Variants in OPRM1 observed in about 807,000 individuals in gnomAD.
OPRM1 encodes mu-type opioid receptor.
In OPRM1, 27 loss-of-function variants were observed where a neutral mutation model predicts 31.8. The observed-to-expected ratio is 0.85, with a 90% CI of 0.63 to 1.17. The LOEUF (loss-of-function observed/expected upper bound fraction) is 1.17. Among genes scored for constraint, OPRM1 ranks in the 50% most tolerant of loss-of-function variants. OPRM1 has a pLI of 0.00. For synonymous variants in OPRM1, 196 were observed against 189.9 expected, an observed-to-expected ratio of 1.03 and a Z score of -0.26; for missense variants, 536 against 511.1, an observed-to-expected ratio of 1.05 and a Z score of -0.47.
At chr6:154,110,438 A>G (rs1218173079) in intron 3 of OPRM1, 1 of 1,443,116 alleles carries the variant, frequency 6.9e-7, no homozygotes, top group Non-Finnish European at 9.5e-7. Flanking sequence ...CCGTGAAAGA[A>G]TATAAGATTG....
intron 3 of OPRM1, chr6:154,110,412 T>A: frequency 1.3e-6 from 2 of 1,503,022 alleles, no homozygotes; most frequent in Non-Finnish European, 1.8e-6. Flanking sequence ...CAAGGGCTAA[T>A]AATTACAATA....
At position 154,039,266 on chromosome 6, in the gene OPRM1, C is replaced by CTTCCA; in HGVS notation, c.-279_-278insTTCCA. 19 of 1,551,698 alleles carry CTTCCA rather than the reference C, an allele frequency of 1.2e-5. No individual in the cohort carries two copies. The highest frequency in any genetic ancestry group is 1.7e-5 in the Non-Finnish European group (19 of 1,146,988). ...TCCCTCCCTTCCAGCCTCCGAATCC[C>CTTCCA]GCATGGCCCACGCTCCCCTCCTGCA... On this transcript the variant is annotated 5_prime_UTR_variant, in exon 1 of 4. Transcript: ENST00000330432.
At chr6:154,202,138 G>A (rs1777120396) in intron 3 of OPRM1, among the ~76,000 whole-genome samples, 1 of 152,102 alleles carries the variant, frequency 6.6e-6, no homozygotes, top group Non-Finnish European at 1.5e-5. Flanking sequence ...TGCTAGACAC[G>A]GATTGTCAGA....
intron 1 of OPRM1, among the ~76,000 whole-genome samples, chr6:154,069,429 G>A (rs1426808505): frequency 6.6e-6 from 1 of 152,134 alleles, no homozygotes; most frequent in African/African-American, 2.4e-5. Context: ...AGTAGAGACA[G>A]GGTTTCACCA....
At chr6:154,144,818 G>C (rs943200077) in intron 3 of OPRM1, among the ~76,000 whole-genome samples, 2 of 150,296 alleles carry the variant, frequency 1.3e-5, no homozygotes, top group Admixed American at 6.6e-5. Flanking sequence ...AGGAAGCAAG[G>C]CTGGTTTGAT....
In OPRM1 at chr6:154,121,318, G is replaced by T. The variant is rs116117653; in HGVS notation, c.*2597G>T. Among the ~76,000 whole-genome samples the T allele has an allele frequency of 5.3e-3, 812 of 152,146 alleles. 8 individuals carry two copies. The highest frequency in any genetic ancestry group is 0.019 in the African/African-American group (781 of 41,508). On this transcript the variant is annotated 3_prime_UTR_variant, in exon 4 of 4. Transcript: ENST00000330432. ...CTCCTTCAGTCTCCACTGTTATTTT[G>T]CTCCTTCATCCCTCTTTCCTTGCCA...
intron 3 of OPRM1, among the ~76,000 whole-genome samples, chr6:154,148,450 G>A (rs371460945): frequency 6.6e-6 from 1 of 152,216 alleles, no homozygotes; most frequent in African/African-American, 2.4e-5. Context: ...ATGTGTGCAT[G>A]TCTGGGGGCC....
At chr6:154,219,087 G>C (rs1332092647) in intron 3 of OPRM1, 1 of 152,194 alleles carries the variant, frequency 6.6e-6, no homozygotes, top group Non-Finnish European at 1.5e-5. Context: ...AAAATTGGAA[G>C]ATAAATAAAC....
At chr6:154,143,298 A>G (rs1296539044) in intron 3 of OPRM1, among the ~76,000 whole-genome samples, 1 of 152,134 alleles carries the variant, frequency 6.6e-6, no homozygotes, top group East Asian at 1.9e-4. Flanking sequence ...TCCTTCTCTC[A>G]TCACTCTTGC....
At chr6:154,095,164 A>T (rs1027307770) in intron 3 of OPRM1, among the ~76,000 whole-genome samples, 4 of 152,026 alleles carry the variant, frequency 2.6e-5, no homozygotes, top group Non-Finnish European at 5.9e-5. Context: ...GGTGGCACAT[A>T]CCTGTAATTC....
At chr6:154,218,664 AG>A (rs1778610974) in intron 3 of OPRM1, among the ~76,000 whole-genome samples, 2 of 152,238 alleles carry the variant, frequency 1.3e-5, no homozygotes, top group African/African-American at 4.8e-5. Flanking sequence ...TTGTGGGAGA[AG>A]GGAGAAGTTG....
At chr6:154,034,580 G>T (rs1170352263), upstream of OPRM1, among the ~76,000 whole-genome samples, 27 of 151,842 alleles carry the variant, frequency 1.8e-4, no homozygotes, top group Admixed American at 1.8e-3. Flanking sequence ...AAAATATAAT[G>T]ATAAAGAAAT....
At chr6:154,142,134 G>A (rs1408791203) in intron 3 of OPRM1, among the ~76,000 whole-genome samples, 1 of 56,334 alleles carries the variant, frequency 1.8e-5, no homozygotes, top group African/African-American at 6.2e-5. Context: ...TCTCTGCTGG[G>A]CTTGTGTTAC....
chr6:154,108,338 C>G (rs1292528201), intron 3 of OPRM1: 2 of 234,254 alleles, frequency 8.5e-6, no homozygotes, highest in Non-Finnish European at 1.6e-5. Context: ...AAACAGTTGC[C>G]CTGAGTAACA....
At chr6:154,142,191 C>T (rs1046143982) in intron 3 of OPRM1, among the ~76,000 whole-genome samples, 12 of 53,392 alleles carry the variant, frequency 2.2e-4, no homozygotes, top group Non-Finnish European at 5.3e-4. Context: ...GGACTCCCCA[C>T]CCCACCCCTC....
At chr6:154,159,536 C>A (rs1467385198) in intron 3 of OPRM1, 1 of 401,422 alleles carries the variant, frequency 2.5e-6, no homozygotes, top group Non-Finnish European at 4.4e-6. Context: ...ACAGAAGAGA[C>A]ATTTCTCACA....
upstream of OPRM1, among the ~76,000 whole-genome samples, chr6:154,037,680 C>A (rs889480481): frequency 2.6e-5 from 4 of 152,066 alleles, no homozygotes; most frequent in Non-Finnish European, 5.9e-5. Flanking sequence ...TAAGCAATTA[C>A]TATTGCAATG....
intron 1 of OPRM1, among the ~76,000 whole-genome samples, chr6:154,042,119 G>A (rs1342030957): frequency 2.0e-5 from 3 of 152,136 alleles, no homozygotes; most frequent in South Asian, 2.1e-4. Flanking sequence ...TATTTGAAAG[G>A]TCATCCCAAA....
chr6:154,099,017 C>T (rs866658292), intron 3 of OPRM1, among the ~76,000 whole-genome samples: 3 of 152,230 alleles, frequency 2.0e-5, no homozygotes, highest in Middle Eastern at 3.4e-3. Context: ...CAGTGGCTCT[C>T]ATCTGTAATC....
Sources: allele counts gnomAD v4.1 joint callset (sites outside exome capture counted in the v4.1 genomes callset), GRCh38; gene constraint gnomAD v4.1.1; transcripts MANE v1.5; gene names NCBI Gene and HGNC (gene_info 2026-07-23, HGNC 2026-07-21).